MED26: variants seen among roughly 807,000 people sequenced by gnomAD.
MED26 encodes mediator complex subunit 26.
Under a neutral mutation model 43.7 loss-of-function variants are expected in MED26, and 7 were observed. The observed-to-expected ratio is 0.16, with a 90% CI of 0.09 to 0.30. MED26 has a LOEUF of 0.30. Ranked by LOEUF, MED26 falls within the 10% of genes least tolerant of loss-of-function variation. The pLI, the probability that MED26 is intolerant of heterozygous loss-of-function variation, is 1.00. For missense variants in MED26, 784 were observed against 840.6 expected (o/e 0.93, Z 0.83); for synonymous variants, 375 against 371.1 (o/e 1.01, Z -0.12).
At chr19:16,595,571 G>A (rs1336754139) in intron 1 of MED26, among the ~76,000 whole-genome samples, 1 of 152,134 alleles carries the variant, frequency 6.6e-6, no homozygotes, top group African/African-American at 2.4e-5. Context: ...CCCAAGAATG[G>A]AGACCAGTGC....
At chr19:16,604,838 C>T (rs2086165143) in intron 1 of MED26, among the ~76,000 whole-genome samples, 1 of 152,220 alleles carries the variant, frequency 6.6e-6, no homozygotes, top group Non-Finnish European at 1.5e-5. Flanking sequence ...CATGGTGACA[C>T]AAGCCCACAC....
intron 1 of MED26, chr19:16,611,519 CT>C (rs1473526285): frequency 2.0e-5 from 3 of 152,142 alleles, no homozygotes; most frequent in Non-Finnish European, 2.9e-5. Context: ...GAGCAGCCTA[CT>C]TTTATTTTCA....
intron 1 of MED26, among the ~76,000 whole-genome samples, chr19:16,601,584 G>A (rs1182509479): frequency 2.6e-5 from 4 of 152,246 alleles, no homozygotes; most frequent in Non-Finnish European, 4.4e-5. Context: ...GCTTCTAAGT[G>A]TGTAGCAGGC....
chr19:16,581,156 T>C (rs534718727), intron 1 of MED26, among the ~76,000 whole-genome samples: 1 of 152,292 alleles, frequency 6.6e-6, no homozygotes, highest in East Asian at 1.9e-4. Context: ...CCCACAAAGC[T>C]GCCCTGCCAA....
At position 16,583,082 on chromosome 19, in the gene MED26, G is replaced by A. The variant is rs895821876; in HGVS notation, c.73-4673C>T. ...CAGACACAGTTTGACTCCACATGGG[G>A]AGCCGCTCCAGGCGATGGCCTCAAA... is the stretch of plus-strand genomic sequence containing the variant. On this transcript the variant is annotated intron_variant, in intron 1 of 2. Coordinates refer to ENST00000263390, the MANE Select transcript of MED26 (RefSeq NM_004831.5). Among the ~76,000 whole-genome samples, 4 of 152,244 alleles carry A rather than the reference G, an allele frequency of 2.6e-5. No individual in the cohort carries two copies. The East Asian group carries it at 7.7e-4, about 29-fold the overall frequency.
chr19:16,608,244 C>G (rs1310026524), intron 1 of MED26, among the ~76,000 whole-genome samples: 2 of 152,240 alleles, frequency 1.3e-5, no homozygotes, highest in African/African-American at 4.8e-5. Flanking sequence ...ATCAAAGGAG[C>G]CATTACTAAC....
rs2086256167 is a variant in MED26 at position 16,622,430 on chromosome 19, G to A, written c.72+5442C>T. Among the ~76,000 whole-genome samples the A allele has an allele frequency of 3.3e-5, 5 of 152,354 alleles. No individual in the cohort carries two copies. The South Asian group carries it at 1.0e-3, about 32-fold the overall frequency. ...TTAGTGACTGAAATGTAACTGCAGTGCCTCCCAAGGCATGGAATGTATTCA... is the reference window on the plus strand; with the variant it reads ...TTAGTGACTGAAATGTAACTGCAGTACCTCCCAAGGCATGGAATGTATTCA... On this transcript the variant is annotated intron_variant, in intron 1 of 2. Transcript: ENST00000263390.
intron 1 of MED26, among the ~76,000 whole-genome samples, chr19:16,581,196 C>T (rs1022491808): frequency 2.8e-5 from 2 of 70,850 alleles, no homozygotes; most frequent in African/African-American, 1.2e-4. Flanking sequence ...GCAACAACGG[C>T]CTTGCCTTGC....
rs191121194 is a variant in MED26 at position 16,579,686 on chromosome 19, T to A, written c.73-1277A>T. 1.4e-4 allele frequency among the ~76,000 whole-genome samples: 21 copies of A among 152,042 alleles called. 1 individual carries two copies. The highest frequency in any genetic ancestry group is 1.0e-3 in the Admixed American group (16 of 15,256). On this transcript the variant is annotated intron_variant, in intron 1 of 2. Transcript: ENST00000263390. ...GGGGCCCTGAGGAAACCACAGTGAG[T>A]AGATTACTCAACTCCCCCCCACCCC...
chr19:16,616,034 C>A (rs1006354693), intron 1 of MED26, among the ~76,000 whole-genome samples: 1 of 152,188 alleles, frequency 6.6e-6, no homozygotes, highest in Non-Finnish European at 1.5e-5. Context: ...GTCCTACCTA[C>A]ATTACTAACC....
At chr19:16,624,945 C>A (rs2086267628) in intron 1 of MED26, among the ~76,000 whole-genome samples, 1 of 152,202 alleles carries the variant, frequency 6.6e-6, no homozygotes, top group African/African-American at 2.4e-5. Flanking sequence ...GCTCATACCT[C>A]CACAGAACGA....
Position 16,613,745 on chromosome 19 carries a change from AAG to A in MED26, c.72+14125_72+14126del, listed in dbSNP as rs1175712015. The stretch of plus-strand genomic sequence containing the variant: ...TCTTAGCACAGAGTGAGCACACAGT[AAG>A]AGTTGATGCTGCTGTCCTTGCAACC... On this transcript the variant is annotated intron_variant, in intron 1 of 2. Coordinates refer to ENST00000263390, the MANE Select transcript of MED26 (RefSeq NM_004831.5). 2.6e-5 allele frequency among the ~76,000 whole-genome samples: 4 copies of A among 152,224 alleles called. No individual in the cohort carries two copies. In the East Asian group the frequency reaches 7.7e-4, roughly 29 times the overall value.
intron 1 of MED26, among the ~76,000 whole-genome samples, chr19:16,605,681 G>C (rs1422970807): frequency 1.3e-5 from 2 of 152,164 alleles, no homozygotes; most frequent in African/African-American, 2.4e-5. Flanking sequence ...GGAGAGGCTC[G>C]GGTGAACAGG....
rs939755304 is a variant in MED26 at position 16,627,958 on chromosome 19, G to T, written c.-15C>A. 8 of 1,443,746 alleles carry T rather than the reference G, an allele frequency of 5.5e-6. No homozygotes were observed. Among genetic ancestry groups the T allele is most frequent in the Non-Finnish European group, 7.3e-6 (8 of 1,094,958 alleles). 89.4% of individuals were successfully genotyped at this position (1,443,746 alleles called of 1,614,324 possible). On this transcript the variant is annotated 5_prime_UTR_variant, in exon 1 of 3. Transcript: ENST00000263390. ...GCCGCTGTCATTGCCTGGGCGAGGC[G>T]GGGGGTTGCGGCCGGGCCAGCGGGC... is the stretch of plus-strand genomic sequence containing the variant.
chr19:16,615,134 G>A (rs988355208), intron 1 of MED26, among the ~76,000 whole-genome samples: 5 of 152,194 alleles, frequency 3.3e-5, no homozygotes, highest in South Asian at 4.1e-4. Flanking sequence ...GAAGCACTGC[G>A]GGAAAGATCA....
chr19:16,607,698 C>A (rs114705770), intron 1 of MED26, among the ~76,000 whole-genome samples: 7,886 of 152,304 alleles, frequency 0.052, 286 homozygotes, highest in South Asian at 0.064. Context: ...CAACCCAACA[C>A]AAATTCGTAA....
intron 1 of MED26, among the ~76,000 whole-genome samples, chr19:16,583,889 A>G (rs2086057953): frequency 6.6e-6 from 1 of 152,172 alleles, no homozygotes; most frequent in Admixed American, 6.5e-5. Flanking sequence ...CACAGCTAGC[A>G]TAGATACTGA....
chr19:16,627,083 G>A (rs1599352561), intron 1 of MED26, among the ~76,000 whole-genome samples: 1 of 152,190 alleles, frequency 6.6e-6, no homozygotes, highest in Non-Finnish European at 1.5e-5. Flanking sequence ...CCCAGGTGAG[G>A]GAAAGAGCCT....
intron 1 of MED26, among the ~76,000 whole-genome samples, chr19:16,596,174 C>T (rs190386): frequency 1.3e-5 from 2 of 152,168 alleles, no homozygotes; most frequent in African/African-American, 4.8e-5. Flanking sequence ...CTGTGCCCAG[C>T]CATGCTTCAA....
Sources: gnomAD v4.1 joint callset for allele counts (sites outside exome capture counted in the v4.1 genomes callset) on GRCh38, gnomAD v4.1.1 for gene constraint, MANE v1.5 for transcripts, NCBI Gene and HGNC (gene_info 2026-07-23, HGNC 2026-07-21) for gene names.